Variants in CYB5B observed in about 807,000 individuals in gnomAD.
CYB5B encodes the protein cytochrome b5 type B (outer mitochondrial membrane).
A neutral mutation model predicts 21.3 loss-of-function variants in CYB5B; 14 were observed. The ratio of observed to expected loss-of-function variants is 0.66; its 90% CI spans 0.43 to 1.03. The LOEUF is 1.03. CYB5B is among the 50% of genes least tolerant of loss of function. The probability of loss-of-function intolerance (pLI) is 0.00; values close to 1 mark genes in which losing one functional copy is unlikely to be tolerated. For synonymous variants in CYB5B, 69 were observed against 68.4 expected, an observed-to-expected ratio of 1.01 and a Z score of -0.04; for missense variants, 166 against 185.1, an observed-to-expected ratio of 0.90 and a Z score of 0.60.
At chr16:69,439,650 T>A (rs2014799430) in intron 1 of CYB5B, among the ~76,000 whole-genome samples, 1 of 152,088 alleles carries the variant, frequency 6.6e-6, no homozygotes, top group Admixed American at 6.6e-5. Flanking sequence ...CACTGTAACC[T>A]CCACCTCCTA....
At chr16:69,454,539 A>G (rs1439654542) in intron 3 of CYB5B, among the ~76,000 whole-genome samples, 1 of 152,228 alleles carries the variant, frequency 6.6e-6, no homozygotes, top group Admixed American at 6.5e-5. Flanking sequence ...AGCTCATGCT[A>G]TAAGGTCCAT....
At chr16:69,460,653 GC>G (rs957511853) in intron 4 of CYB5B, among the ~76,000 whole-genome samples, 108 of 152,182 alleles carry the variant, frequency 7.1e-4, no homozygotes, top group African/African-American at 2.5e-3. Flanking sequence ...TTTTGACCCA[GC>G]AATTCCATTT....
At chr16:69,433,158 G>A (rs533169963) in intron 1 of CYB5B, among the ~76,000 whole-genome samples, 1 of 152,200 alleles carries the variant, frequency 6.6e-6, no homozygotes. Flanking sequence ...TGGCTGCAGA[G>A]TATGGAATTA....
chr16:69,452,190 A>G (rs142394432), intron 3 of CYB5B, among the ~76,000 whole-genome samples: 21 of 149,768 alleles, frequency 1.4e-4, no homozygotes, highest in African/African-American at 4.9e-4. Context: ...CCAAAATTTG[A>G]GTAGTCCCAG....
At chr16:69,461,215 AAG>A (rs1491363745) in intron 4 of CYB5B, among the ~76,000 whole-genome samples, 42 of 151,904 alleles carry the variant, frequency 2.8e-4, no homozygotes, top group African/African-American at 9.9e-4. Flanking sequence ...AAAAAAAAAA[AAG>A]AAAGAAAGAA....
At chr16:69,426,244 A>G (rs1296140530) in intron 1 of CYB5B, among the ~76,000 whole-genome samples, 1 of 151,658 alleles carries the variant, frequency 6.6e-6, no homozygotes, top group Non-Finnish European at 1.5e-5. Flanking sequence ...CTAAAAATAC[A>G]AAAAATTAGC....
chr16:69,430,994 GTATTTATT>G (rs927822244), intron 1 of CYB5B, among the ~76,000 whole-genome samples: 1 of 143,462 alleles, frequency 7.0e-6, no homozygotes, highest in Non-Finnish European at 1.5e-5. Flanking sequence ...CTTTATATGT[GTATTTATT>G]TATTTATTTA....
intron 1 of CYB5B, among the ~76,000 whole-genome samples, chr16:69,437,259 ATAATAT>A (rs1161521541): frequency 1.5e-4 from 23 of 151,268 alleles, no homozygotes; most frequent in East Asian, 3.9e-4. Flanking sequence ...AACTGCGTAC[ATAATAT>A]TAATATTAAG....
At chr16:69,434,247 A>C (rs1157571550) in intron 1 of CYB5B, among the ~76,000 whole-genome samples, 1 of 152,168 alleles carries the variant, frequency 6.6e-6, no homozygotes, top group Non-Finnish European at 1.5e-5. Flanking sequence ...ACATACCAAA[A>C]TTTGTTTATC....
intron 3 of CYB5B, among the ~76,000 whole-genome samples, chr16:69,457,055 C>T (rs764292831): frequency 2.0e-5 from 3 of 151,792 alleles, no homozygotes; most frequent in Non-Finnish European, 4.4e-5. Flanking sequence ...CTTTTTTTTG[C>T]GTCCCCAGGG....
At chr16:69,448,511 G>T in intron 3 of CYB5B, 1 of 205,912 alleles carries the variant, frequency 4.9e-6, no homozygotes, top group South Asian at 1.1e-4. Context: ...AAAAATAATT[G>T]CAAAGTTGTT....
At chr16:69,445,203 C>T (rs1270640441) in intron 1 of CYB5B, among the ~76,000 whole-genome samples, 1 of 152,166 alleles carries the variant, frequency 6.6e-6, no homozygotes, top group African/African-American at 2.4e-5. Context: ...CTTAGTTCCA[C>T]AACAAAGAAC....
At chr16:69,436,465 G>C (rs543852203) in intron 1 of CYB5B, among the ~76,000 whole-genome samples, 2 of 152,226 alleles carry the variant, frequency 1.3e-5, no homozygotes, top group African/African-American at 4.8e-5. Context: ...CCTCTCTTAG[G>C]TGACAGCCTT....
chr16:69,456,091 A>G (rs2014981734), intron 3 of CYB5B, among the ~76,000 whole-genome samples: 1 of 152,108 alleles, frequency 6.6e-6, no homozygotes, highest in South Asian at 2.1e-4. Context: ...ATTACAAAAT[A>G]TTTCCTTTTT....
intron 3 of CYB5B, among the ~76,000 whole-genome samples, chr16:69,457,299 C>A (rs1394362294): frequency 6.6e-6 from 1 of 152,064 alleles, no homozygotes; most frequent in African/African-American, 2.4e-5. Flanking sequence ...TTTAGAGAAT[C>A]CATTTATATG....
intron 3 of CYB5B, among the ~76,000 whole-genome samples, chr16:69,454,099 A>C (rs550196182): frequency 6.6e-6 from 1 of 152,132 alleles, no homozygotes; most frequent in Non-Finnish European, 1.5e-5. Flanking sequence ...TGTTATAACA[A>C]ATTTTTCACT....
chr16:69,454,415 A>G (rs2142825369), intron 3 of CYB5B, among the ~76,000 whole-genome samples: 1 of 152,372 alleles, frequency 6.6e-6, no homozygotes, highest in Admixed American at 6.5e-5. Context: ...CTCAAGATCC[A>G]TACCACATGA....
chr16:69,444,173 C>T (rs576445514), intron 1 of CYB5B: 12 of 161,560 alleles, frequency 7.4e-5, no homozygotes, highest in African/African-American at 2.9e-4. Flanking sequence ...GGGTGAGCTT[C>T]TTGTCGCTCT....
In CYB5B at chr16:69,424,706, C is replaced by T; in HGVS notation, c.23C>T (p.Ala8Val). The T allele has an allele frequency of 6.3e-7, 1 of 1,589,656 alleles. No homozygotes were observed. The highest frequency in any genetic ancestry group is 8.6e-7 in the Non-Finnish European group (1 of 1,167,956). The change falls in exon 1 of 5, where the codon GCG becomes GTG. Residue 8 changes from alanine to valine, a missense_variant. Coordinates refer to ENST00000307892, the MANE Select transcript of CYB5B (RefSeq NM_030579.3). MSGSMAT[A>V]EASGSDGKGQ... is the part of the protein sequence containing the mutation. Reference sequence around the variant, plus strand: ...AGTATGTCCGGTTCAATGGCGACTGCGGAAGCTAGCGGCAGCGATGGGAAA... The same window carrying T: ...AGTATGTCCGGTTCAATGGCGACTGTGGAAGCTAGCGGCAGCGATGGGAAA...
Sources: allele counts gnomAD v4.1 joint callset (sites outside exome capture counted in the v4.1 genomes callset), GRCh38; gene constraint gnomAD v4.1.1; transcripts MANE v1.5; gene names NCBI Gene and HGNC (gene_info 2026-07-23, HGNC 2026-07-21).